The following RABGAP1L variants were observed in gnomAD, a reference collection of about 807,000 sequenced individuals.
RABGAP1L encodes RAB GTPase activating protein 1 like.
Under a neutral mutation model 137.7 loss-of-function variants are expected in RABGAP1L, and 63 were observed. The ratio of observed to expected loss-of-function variants is 0.46; its 90% CI spans 0.37 to 0.56. The LOEUF (loss-of-function observed/expected upper bound fraction) is 0.56, where lower values mean the gene tolerates loss of function less well. Ranked by LOEUF, RABGAP1L falls within the 20% of genes least tolerant of loss-of-function variation. RABGAP1L has a pLI of 0.00. For missense variants in RABGAP1L, 1,095 were observed against 1,244.0 expected (o/e 0.88, Z 1.80); for synonymous variants, 431 against 433.7 (o/e 0.99, Z 0.08).
chr1:174,313,138 A>G lies in RABGAP1L; in HGVS notation c.1465+8011A>G, dbSNP rs117654393. Among the ~76,000 whole-genome samples the G allele has an allele frequency of 8.9e-4, 135 of 152,282 alleles. 2 individuals are homozygous for G. The East Asian group carries it at 0.025, about 28-fold the overall frequency. On this transcript the variant is annotated intron_variant, in intron 11 of 25. Transcript: ENST00000681986. ...GAGACGAGGTTTCACCGTGCTAGGCAGGATGGTCTTGATCTGACCTTGTGA... is the reference window on the plus strand; with the variant it reads ...GAGACGAGGTTTCACCGTGCTAGGCGGGATGGTCTTGATCTGACCTTGTGA...
At chr1:174,944,203 G>C (rs1666362264) in intron 19 of RABGAP1L, among the ~76,000 whole-genome samples, 1 of 151,214 alleles carries the variant, frequency 6.6e-6, no homozygotes, top group South Asian at 2.1e-4. Context: ...CTTGAACCCA[G>C]GAGGTGGAGC....
At chr1:174,535,222 A>G (rs1425446076) in intron 13 of RABGAP1L, among the ~76,000 whole-genome samples, 1 of 152,172 alleles carries the variant, frequency 6.6e-6, no homozygotes, top group African/African-American at 2.4e-5. Flanking sequence ...GGGAAATAAA[A>G]AATAAAGAAT....
At chr1:174,961,153 T>TA (rs1328627581) in intron 20 of RABGAP1L, among the ~76,000 whole-genome samples, 1 of 152,200 alleles carries the variant, frequency 6.6e-6, no homozygotes, top group African/African-American at 2.4e-5. Context: ...CAGGTTTGTG[T>TA]AAAATTCTTT....
intron 11 of RABGAP1L, 133 bp downstream of exon 11, chr1:174,305,260 C>T (rs1280225090): frequency 1.1e-6 from 1 of 904,038 alleles, no homozygotes; most frequent in African/African-American, 1.7e-5. Context: ...CCAAATTCTA[C>T]AAGGTGCAGA....
rs1220030903 is a variant in RABGAP1L at position 174,528,993 on chromosome 1, C to CT, written c.1711-108371dup. 3.9e-3 allele frequency among the ~76,000 whole-genome samples: 514 copies of CT among 132,620 alleles called. 1 individual carries two copies. The highest frequency in any genetic ancestry group is 6.8e-3 in the Admixed American group (91 of 13,292). 87.0% of individuals were successfully genotyped at this position (132,620 alleles called of 152,430 possible). On this transcript the variant is annotated intron_variant, in intron 13 of 25. Coordinates refer to ENST00000681986, the MANE Select transcript of RABGAP1L (RefSeq NM_001366446.1). Reference sequence around the variant, plus strand: ...GTAGTTCCAGAACTTTTGTCTGGTTCTTTTTTTTTTTAATGATATCTATCT... The same window carrying CT: ...GTAGTTCCAGAACTTTTGTCTGGTTCTTTTTTTTTTTTAATGATATCTATCT...
rs913948053 is a variant in RABGAP1L, at chr1:174,578,439, G to T, written c.1711-58936G>T. Among the ~76,000 whole-genome samples, 4 of 152,118 alleles carry T rather than the reference G, an allele frequency of 2.6e-5. No homozygotes were observed. In the East Asian group the frequency reaches 5.8e-4, roughly 22 times the overall value. On this transcript the variant is annotated intron_variant, in intron 13 of 25. Coordinates refer to ENST00000681986, the MANE Select transcript of RABGAP1L (RefSeq NM_001366446.1). ...TTTTCCCACCTTGGCCTCTCAAAGT[G>T]CTGGGATTACAGGTGTGAGTTACCA...
chr1:174,930,294 T>G (rs1663578160), intron 19 of RABGAP1L, among the ~76,000 whole-genome samples: 3 of 151,982 alleles, frequency 2.0e-5, no homozygotes, highest in Admixed American at 1.3e-4. Flanking sequence ...TAGCTGGGAT[T>G]ACAAGTGTAT....
At chr1:174,449,202 A>T in intron 13 of RABGAP1L, 1 of 1,561,626 alleles carries the variant, frequency 6.4e-7, no homozygotes, top group Non-Finnish European at 8.6e-7. Flanking sequence ...ATTTGAAGAG[A>T]GCTACATAGT....
intron 13 of RABGAP1L, among the ~76,000 whole-genome samples, chr1:174,616,276 C>T (rs1445365601): frequency 6.6e-6 from 1 of 152,234 alleles, no homozygotes; most frequent in Non-Finnish European, 1.5e-5. Flanking sequence ...GTCTGTGAAT[C>T]CTTGTCATTA....
intron 14 of RABGAP1L, among the ~76,000 whole-genome samples, chr1:174,652,856 C>A (rs78555397): frequency 6.6e-6 from 1 of 152,170 alleles, no homozygotes; most frequent in Non-Finnish European, 1.5e-5. Flanking sequence ...TCTTTACAGC[C>A]GGCAGGCAGG....
At chr1:174,295,402 G>T (rs1677034288) in intron 10 of RABGAP1L, among the ~76,000 whole-genome samples, 1 of 151,296 alleles carries the variant, frequency 6.6e-6, no homozygotes, top group Non-Finnish European at 1.5e-5. Flanking sequence ...TCTTTTTTTT[G>T]AAATGGAGTC....
chr1:174,382,417 T>A lies in RABGAP1L; in HGVS notation c.1559+11345T>A, dbSNP rs1345877390. Reference sequence around the variant, plus strand: ...CTTGGTTCCATTGTCCCCATCACTTTCAGGTACACCAATCAGACGTAGATT... The same window carrying A: ...CTTGGTTCCATTGTCCCCATCACTTACAGGTACACCAATCAGACGTAGATT... On this transcript the variant is annotated intron_variant, in intron 12 of 25. Transcript: ENST00000681986. Among the ~76,000 whole-genome samples, 3 of 48,532 alleles carry A rather than the reference T, an allele frequency of 6.2e-5. No individual in the cohort carries two copies. The Admixed American group carries it at 8.7e-4, about 14-fold the overall frequency. 31.8% of individuals were successfully genotyped at this position (48,532 alleles called of 152,430 possible).
rs551997462 is a variant in RABGAP1L at position 174,434,295 on chromosome 1, G to A, written c.1710+40150G>A. ...GTTTTAAGATTCATCCATGTTATGT[G>A]TGTCTTTAGTGTTGTTCCTTTTCAT... is the stretch of plus-strand genomic sequence containing the variant. On this transcript the variant is annotated intron_variant, in intron 13 of 25. Transcript: ENST00000681986. Among the ~76,000 whole-genome samples, 8 of 152,256 alleles carry A rather than the reference G, an allele frequency of 5.3e-5. No individual in the cohort carries two copies. The East Asian group carries it at 1.5e-3, about 29-fold the overall frequency.
chr1:174,636,521 C>T (rs374308478), intron 13 of RABGAP1L, among the ~76,000 whole-genome samples: 138 of 109,810 alleles, frequency 1.3e-3, no homozygotes, highest in African/African-American at 6.3e-3. Flanking sequence ...GTGTGAGACT[C>T]TACTTCAAAA....
At chr1:174,878,175 T>TG (rs1324046481) in intron 19 of RABGAP1L, among the ~76,000 whole-genome samples, 1 of 152,212 alleles carries the variant, frequency 6.6e-6, no homozygotes, top group African/African-American at 2.4e-5. Flanking sequence ...TTCTCTTAGA[T>TG]GTCATCATTA....
At position 174,711,806 on chromosome 1, in the gene RABGAP1L, G is replaced by A. The variant is rs148428963; in HGVS notation, c.2169+9550G>A. 4.1e-3 allele frequency among the ~76,000 whole-genome samples: 622 copies of A among 152,348 alleles called. 3 individuals are homozygous for A. The highest frequency in any genetic ancestry group is 3.5e-3 in the Non-Finnish European group (241 of 68,032). ...GAGTGTGGGCACATGGCATGGGACT[G>A]GTGGGTACCTCCACCCATGGCCCTG... On this transcript the variant is annotated intron_variant, in intron 17 of 25. Transcript: ENST00000681986.
At chr1:174,685,620 G>A (rs1033342044) in intron 15 of RABGAP1L, among the ~76,000 whole-genome samples, 1 of 151,712 alleles carries the variant, frequency 6.6e-6, no homozygotes, top group Non-Finnish European at 1.5e-5. Flanking sequence ...CTGGAGTGCA[G>A]TGGCATGATC....
intron 13 of RABGAP1L, among the ~76,000 whole-genome samples, chr1:174,552,709 A>G (rs540753538): frequency 1.3e-5 from 2 of 152,316 alleles, no homozygotes; most frequent in African/African-American, 2.4e-5. Context: ...TCTTTATAAC[A>G]GAATGATTTA....
At chr1:174,937,553 T>G (rs1469194460) in intron 19 of RABGAP1L, among the ~76,000 whole-genome samples, 1 of 148,716 alleles carries the variant, frequency 6.7e-6, no homozygotes, top group Non-Finnish European at 1.5e-5. Context: ...CCCAAAGTGC[T>G]GGGATTACAG....
Sources: allele counts gnomAD v4.1 joint callset (sites outside exome capture counted in the v4.1 genomes callset), GRCh38; gene constraint gnomAD v4.1.1; transcripts MANE v1.5; gene names NCBI Gene and HGNC (gene_info 2026-07-23, HGNC 2026-07-21).